NIPA1: variants seen among roughly 807,000 people sequenced by gnomAD.
NIPA1 encodes the protein magnesium transporter NIPA1.
A neutral mutation model predicts 23.9 loss-of-function variants in NIPA1; 13 were observed. The observed-to-expected ratio is 0.54, with a 90% CI of 0.35 to 0.87. The LOEUF is 0.87. Among genes scored for constraint, NIPA1 ranks in the 40% least tolerant of loss-of-function variants. The probability of loss-of-function intolerance (pLI) is 0.01; values close to 1 mark genes in which losing one functional copy is unlikely to be tolerated. For synonymous variants in NIPA1, 234 were observed against 202.9 expected, an observed-to-expected ratio of 1.15 and a Z score of -1.30; for missense variants, 362 against 429.7, an observed-to-expected ratio of 0.84 and a Z score of 1.39.
intron 4 of NIPA1, 106 bp downstream of exon 4, chr15:22,820,579 G>A: frequency 1.2e-6 from 1 of 845,774 alleles, no homozygotes. Context: ...GAGGAACCGT[G>A]TGTCCACCCT....
intron 1 of NIPA1, among the ~76,000 whole-genome samples, chr15:22,788,498 CAAAA>C (rs905296655): frequency 5.6e-5 from 5 of 89,594 alleles, no homozygotes; most frequent in Non-Finnish European, 1.2e-4. Flanking sequence ...GACTCCATCT[CAAAA>C]AAAAAAAAAA....
At chr15:22,790,983 T>A (rs1229554626) in intron 1 of NIPA1, among the ~76,000 whole-genome samples, 2 of 152,170 alleles carry the variant, frequency 1.3e-5, no homozygotes, top group Non-Finnish European at 2.9e-5. Flanking sequence ...AAAAATTTTT[T>A]AAATTTTTGG....
chr15:22,816,486 C>CTTTTTG (rs1895422177), intron 3 of NIPA1, among the ~76,000 whole-genome samples: 1 of 42,268 alleles, frequency 2.4e-5, no homozygotes, highest in Non-Finnish European at 4.1e-5. Flanking sequence ...CGCACCCAGC[C>CTTTTTG]TTTTTTTTTT....
chr15:22,796,726 C>T (rs1363991437), intron 1 of NIPA1, among the ~76,000 whole-genome samples: 2 of 152,144 alleles, frequency 1.3e-5, no homozygotes, highest in Non-Finnish European at 1.5e-5. Flanking sequence ...ACTCTGCAGC[C>T]AGGAGCCTGT....
Position 22,793,074 on chromosome 15 carries a change from G to A in NIPA1, c.178+6240G>A, listed in dbSNP as rs758166654. On this transcript the variant is annotated intron_variant, in intron 1 of 4. Coordinates refer to ENST00000337435, the MANE Select transcript of NIPA1 (RefSeq NM_144599.5). ...AGACTCTGTCTCAAAAATCCCGGGC[G>A]TGCGGTGGCTCATGCCTATAATCAC... 1.5e-4 allele frequency among the ~76,000 whole-genome samples: 22 copies of A among 151,680 alleles called. No individual in the cohort carries two copies. The East Asian group carries it at 4.0e-3, about 27-fold the overall frequency.
chr15:22,812,342 C>T, intron 3 of NIPA1, 89 bp downstream of exon 3: 1 of 970,688 alleles, frequency 1.0e-6, no homozygotes, highest in Non-Finnish European at 1.6e-6. Context: ...GTAATAAGAG[C>T]AAAATTGTAA....
intron 1 of NIPA1, among the ~76,000 whole-genome samples, chr15:22,805,572 G>C (rs1237841305): frequency 6.6e-6 from 1 of 152,142 alleles, no homozygotes; most frequent in Non-Finnish European, 1.5e-5. Context: ...TGTAATGCCA[G>C]CTACTCAGGA....
chr15:22,786,625 A>C, upstream of NIPA1: 1 of 867,950 alleles, frequency 1.2e-6, no homozygotes, highest in Non-Finnish European at 1.4e-6. Flanking sequence ...CGCGGCGCGC[A>C]GGCGCAGGCT....
chr15:22,786,862 C>A, intron 1 of NIPA1, 28 bp downstream of exon 1: 5 of 152,916 alleles, frequency 3.3e-5, no homozygotes, highest in Non-Finnish European at 6.5e-5. Flanking sequence ...CGGCAGGCGG[C>A]GGGCGGGTGG....
At chr15:22,788,127 A>T (rs766009449) in intron 1 of NIPA1, among the ~76,000 whole-genome samples, 2 of 152,048 alleles carry the variant, frequency 1.3e-5, no homozygotes, top group Non-Finnish European at 2.9e-5. Context: ...TATAAATAGG[A>T]TGGCCTGAGA....
chr15:22,809,830 G>A (rs1294775846), intron 1 of NIPA1, among the ~76,000 whole-genome samples: 4 of 151,650 alleles, frequency 2.6e-5, no homozygotes, highest in East Asian at 3.9e-4. Context: ...ACCTGAGATC[G>A]GGAGTTCAAG....
intron 3 of NIPA1, among the ~76,000 whole-genome samples, chr15:22,813,447 G>A (rs893294621): frequency 6.6e-6 from 1 of 152,060 alleles, no homozygotes; most frequent in Admixed American, 6.5e-5. Context: ...ATTGCAGCTG[G>A]ACTCTCTGTT....
intron 1 of NIPA1, among the ~76,000 whole-genome samples, chr15:22,803,503 C>CTTTTTT (rs35223839): frequency 4.0e-4 from 28 of 69,360 alleles, no homozygotes; most frequent in African/African-American, 5.4e-4. Context: ...TTAAAAGTGC[C>CTTTTTT]TTTTTTTTTT....
chr15:22,799,944 A>C (rs1222882238), intron 1 of NIPA1, among the ~76,000 whole-genome samples: 1 of 30,404 alleles, frequency 3.3e-5, no homozygotes, highest in Non-Finnish European at 6.1e-5. Context: ...ACCCTGTCTC[A>C]AAAAAAAAAA....
At position 22,827,004 on chromosome 15, in the gene NIPA1, C is replaced by T. The variant is rs1895665635; in HGVS notation, c.*2765C>T. On this transcript the variant is annotated 3_prime_UTR_variant, in exon 5 of 5. Transcript: ENST00000337435. Reference sequence around the variant, plus strand: ...CATTCATTTGAAAATGAAAAAGCCCCAAAGTGAGAACTTTGGGGGAGGGCC... The same window carrying T: ...CATTCATTTGAAAATGAAAAAGCCCTAAAGTGAGAACTTTGGGGGAGGGCC... 6.6e-6 allele frequency: 1 copy of T among 151,936 alleles called. No individual in the cohort carries two copies. Among genetic ancestry groups the T allele is most frequent in the Admixed American group, 6.6e-5 (1 of 15,262 alleles). The allele number at this position is 151,936 out of a possible 1,614,324, so 9.4% of individuals were successfully genotyped here.
In NIPA1 at chr15:22,786,705, G is replaced by A. The variant is rs780312828; in HGVS notation, c.49G>A (p.Gly17Arg). 1.7e-6 allele frequency: 2 copies of A among 1,158,562 alleles called. No homozygotes were observed. The highest frequency in any genetic ancestry group is 2.1e-6 in the Non-Finnish European group (2 of 934,636). 71.8% of individuals were successfully genotyped at this position (1,158,562 alleles called of 1,614,324 possible). The change falls in exon 1 of 5, where the codon GGG becomes AGG. Residue 17 changes from glycine (G) to arginine (R), a missense_variant. By Grantham distance (125) the Gly-to-Arg change is moderately radical. Transcript: ENST00000337435. The stretch of plus-strand genomic sequence containing the variant: ...GGCGGCGGCGGCGGCGGCGGCGGCC[G>A]GGGAGGGGGCGCGTAGCCCGAGCCC... Reference protein sequence around the residue: ...AAAAAAAAAAGEGARSPSPAA... With the variant: ...AAAAAAAAAAREGARSPSPAA...
intron 3 of NIPA1, among the ~76,000 whole-genome samples, chr15:22,817,831 A>G (rs961028716): frequency 2.6e-5 from 4 of 152,058 alleles, no homozygotes; most frequent in African/African-American, 7.2e-5. Context: ...AATTGCATCT[A>G]TATACAGTAG....
chr15:22,814,252 A>AT, intron 3 of NIPA1: 1 of 347,824 alleles, frequency 2.9e-6, no homozygotes, highest in Non-Finnish European at 4.9e-6. Context: ...TGTATATATG[A>AT]GTTTTTTTTT....
chr15:22,794,226 A>G (rs1420482601), intron 1 of NIPA1, among the ~76,000 whole-genome samples: 1 of 151,842 alleles, frequency 6.6e-6, no homozygotes, highest in Admixed American at 6.6e-5. Context: ...AACATGGAGG[A>G]CATTGTGCTG....
Sources: gnomAD v4.1 joint callset for allele counts (sites outside exome capture counted in the v4.1 genomes callset) on GRCh38, gnomAD v4.1.1 for gene constraint, MANE v1.5 for transcripts, NCBI Gene and HGNC (gene_info 2026-07-23, HGNC 2026-07-21) for gene names.